The following SIPA1L3 variants were observed in gnomAD, a reference collection of about 807,000 sequenced individuals.
SIPA1L3 encodes the protein signal-induced proliferation-associated 1-like protein 3.
SIPA1L3 carries 59 observed loss-of-function variants against 150.1 expected under a neutral mutation model. The ratio of observed to expected loss-of-function variants is 0.39; its 90% CI spans 0.32 to 0.49. The LOEUF (loss-of-function observed/expected upper bound fraction) is 0.49. Ranked by LOEUF, SIPA1L3 falls within the 20% of genes least tolerant of loss-of-function variation. The pLI is 0.86. For missense variants in SIPA1L3, 2,211 were observed against 2,489.5 expected, an observed-to-expected ratio of 0.89 and a Z score of 2.38; for synonymous variants, 1,070 against 1,077.6, an observed-to-expected ratio of 0.99 and a Z score of 0.14.
chr19:37,934,130 T>A (rs928125406), intron 1 of SIPA1L3, among the ~76,000 whole-genome samples: 11 of 152,216 alleles, frequency 7.2e-5, no homozygotes, highest in African/African-American at 2.4e-4. Flanking sequence ...ATCTATTTTC[T>A]AGCTCCCGGT....
chr19:37,941,242 C>T (rs895213218), intron 1 of SIPA1L3, among the ~76,000 whole-genome samples: 2 of 152,124 alleles, frequency 1.3e-5, no homozygotes, highest in African/African-American at 4.8e-5. Context: ...ATGACCATTG[C>T]TCAGAGCCAT....
chr19:38,190,240 C>T (rs1303505457), intron 16 of SIPA1L3, among the ~76,000 whole-genome samples: 1 of 152,200 alleles, frequency 6.6e-6, no homozygotes, highest in Non-Finnish European at 1.5e-5. Context: ...TTCCTCACTG[C>T]CGGGAGATGG....
Position 38,030,623 on chromosome 19 carries a change from AAT to A in SIPA1L3, c.-311+1494_-311+1495del, listed in dbSNP as rs757828313. Among the ~76,000 whole-genome samples the A allele has an allele frequency of 9.9e-3, 424 of 42,630 alleles. 42 individuals are homozygous for A. Among genetic ancestry groups the A allele is most frequent in the African/African-American group, 0.023 (390 of 16,912 alleles). The allele number at this position is 42,630 out of a possible 152,430, so 28.0% of individuals were successfully genotyped here. ...ATATTTTATATATATATATGTGGCA[AAT>A]ATATATATATATATATATATATATA... On this transcript the variant is annotated intron_variant, in intron 2 of 21. Coordinates refer to ENST00000222345, the MANE Select transcript of SIPA1L3 (RefSeq NM_015073.3).
chr19:38,170,714 G>A (rs769919393), intron 15 of SIPA1L3, among the ~76,000 whole-genome samples: 1 of 152,144 alleles, frequency 6.6e-6, no homozygotes, highest in South Asian at 2.1e-4. Flanking sequence ...TGTGCCAGGG[G>A]ACAGCCTGCA....
intron 6 of SIPA1L3, among the ~76,000 whole-genome samples, chr19:38,102,151 G>T (rs1182506895): frequency 1.3e-5 from 2 of 150,144 alleles, no homozygotes; most frequent in Admixed American, 1.3e-4. Flanking sequence ...GGTTCAAGGA[G>T]TTCTCCTGCC....
chr19:38,106,019 G>A (rs946150012), intron 6 of SIPA1L3, among the ~76,000 whole-genome samples: 4 of 152,108 alleles, frequency 2.6e-5, no homozygotes, highest in African/African-American at 9.7e-5. Flanking sequence ...CCACATCCTC[G>A]CCAACCATTG....
chr19:38,108,006 C>T (rs528230142), intron 7 of SIPA1L3, among the ~76,000 whole-genome samples: 3 of 150,918 alleles, frequency 2.0e-5, no homozygotes, highest in Admixed American at 6.6e-5. Flanking sequence ...AAAAAAAAAG[C>T]GCTTTGATCT....
chr19:37,951,018 T>C (rs1301993361), intron 1 of SIPA1L3, among the ~76,000 whole-genome samples: 1 of 152,240 alleles, frequency 6.6e-6, no homozygotes, highest in African/African-American at 2.4e-5. Flanking sequence ...CACCATTCTT[T>C]TGGGGTTTTC....
chr19:38,045,718 G>A (rs1259102281), intron 2 of SIPA1L3, among the ~76,000 whole-genome samples: 1 of 152,086 alleles, frequency 6.6e-6, no homozygotes, highest in East Asian at 1.9e-4. Context: ...TCGACGGGGA[G>A]GATGAACAGG....
At position 38,206,192 on chromosome 19, in the gene SIPA1L3, G is replaced by GC; in HGVS notation, c.5299dup (p.Leu1767ProfsTer47). 6.4e-7 allele frequency: 1 copy of GC among 1,559,872 alleles called. No individual in the cohort carries two copies. Among genetic ancestry groups the GC allele is most frequent in the Non-Finnish European group, 8.7e-7 (1 of 1,151,898 alleles). On this transcript the variant is annotated frameshift_variant, in exon 22 of 22. Transcript: ENST00000222345. LOFTEE classifies it high-confidence loss of function. ...AGGAGTCGCAGGCCGCCAGCGAGCA[G>GC]CTGCGCAAGTTTGCGGAGATCTTCT... is the stretch of plus-strand genomic sequence containing the variant.
chr19:38,077,262 G>C (rs1969857382), intron 2 of SIPA1L3, among the ~76,000 whole-genome samples: 1 of 151,964 alleles, frequency 6.6e-6, no homozygotes, highest in Admixed American at 6.6e-5. Flanking sequence ...ACCAGCCTGG[G>C]CAACATACTA....
chr19:38,084,635 C>CT (rs902218818), intron 3 of SIPA1L3, among the ~76,000 whole-genome samples: 3,005 of 104,418 alleles, frequency 0.029, 131 homozygotes, highest in South Asian at 0.11. Context: ...TTTTCTTTTT[C>CT]TTTTTTTTTT....
At chr19:37,911,713 G>A (rs924876712) in intron 1 of SIPA1L3, among the ~76,000 whole-genome samples, 1 of 151,376 alleles carries the variant, frequency 6.6e-6, no homozygotes, top group Non-Finnish European at 1.5e-5. Flanking sequence ...GGGTTTCACC[G>A]TGGTCTCGAT....
intron 16 of SIPA1L3, among the ~76,000 whole-genome samples, chr19:38,189,375 C>G (rs1019103184): frequency 2.0e-5 from 3 of 152,092 alleles, no homozygotes; most frequent in African/African-American, 7.2e-5. Flanking sequence ...AAGTGATCCT[C>G]CCACTTACGC....
At position 38,082,127 on chromosome 19, in the gene SIPA1L3, CG is replaced by C. The variant is rs775563284; in HGVS notation, c.568del (p.Ala190ProfsTer33). 4 of 1,606,388 alleles carry C rather than the reference CG, an allele frequency of 2.5e-6. No individual in the cohort carries two copies. The highest frequency in any genetic ancestry group is 1.3e-5 in the African/African-American group (1 of 75,008). ...TGACGCGGAGGACGCGGGGGAGCCGCGGGGGGCCCGGCACACGGGGGCGCTG... is the reference window on the plus strand; with the variant it reads ...TGACGCGGAGGACGCGGGGGAGCCGCGGGGGCCCGGCACACGGGGGCGCTG... Reference protein sequence around the residue: ...ECDAEDAGEPRGARHTGALPL... With the variant: ...ECDAEDAGEPXGARHTGALPL... On this transcript the variant is annotated frameshift_variant, in exon 3 of 22. Coordinates refer to ENST00000222345, the MANE Select transcript of SIPA1L3 (RefSeq NM_015073.3). LOFTEE classifies it high-confidence loss of function.
At chr19:37,970,628 G>A (rs1331280807) in intron 1 of SIPA1L3, among the ~76,000 whole-genome samples, 2 of 152,250 alleles carry the variant, frequency 1.3e-5, no homozygotes, top group African/African-American at 4.8e-5. Context: ...TGGCATGACT[G>A]CAAAGGCGGT....
At chr19:37,966,948 C>T (rs767163188) in intron 1 of SIPA1L3, among the ~76,000 whole-genome samples, 10 of 152,070 alleles carry the variant, frequency 6.6e-5, no homozygotes, top group Non-Finnish European at 5.9e-5. Flanking sequence ...CAGGTGACCT[C>T]GCCCCTCTGG....
At chr19:38,145,606 G>A (rs1412845864) in intron 12 of SIPA1L3, among the ~76,000 whole-genome samples, 1 of 150,948 alleles carries the variant, frequency 6.6e-6, no homozygotes, top group African/African-American at 2.4e-5. Flanking sequence ...CTCCCCTATT[G>A]TTAACATCTT....
intron 11 of SIPA1L3, 38 bp from the exon 12 acceptor site, chr19:38,142,535 C>A: frequency 6.3e-7 from 1 of 1,576,748 alleles, no homozygotes; most frequent in Admixed American, 1.7e-5. Context: ...TACCCTCCTA[C>A]TCACCCTCTG....
Sources: gnomAD v4.1 joint callset for allele counts (sites outside exome capture counted in the v4.1 genomes callset) on GRCh38, gnomAD v4.1.1 for gene constraint, MANE v1.5 for transcripts, NCBI Gene and HGNC (gene_info 2026-07-23, HGNC 2026-07-21) for gene names.